Variants in ZFP36L1 observed in about 807,000 individuals in gnomAD.
ZFP36L1 encodes the protein ZFP36 like 1 zinc finger CCCH-type.
A neutral mutation model predicts 16.7 loss-of-function variants in ZFP36L1; 4 were observed. The observed-to-expected ratio is 0.24, with a 90% CI of 0.12 to 0.55. The LOEUF (loss-of-function observed/expected upper bound fraction) is 0.55, where lower values mean the gene tolerates loss of function less well. Among genes scored for constraint, ZFP36L1 ranks in the 20% least tolerant of loss-of-function variants. The pLI, the probability that ZFP36L1 is intolerant of heterozygous loss-of-function variation, is 0.94. For missense variants in ZFP36L1, 311 were observed against 449.2 expected (o/e 0.69, Z 2.78); for synonymous variants, 220 against 190.8 (o/e 1.15, Z -1.26).
At chr14:68,792,349 T>C (rs542137315) in intron 1 of ZFP36L1, among the ~76,000 whole-genome samples, 2 of 152,284 alleles carry the variant, frequency 1.3e-5, no homozygotes, top group Admixed American at 1.3e-4. Context: ...TGCAAACTTG[T>C]TCTGCAACAT....
At chr14:68,793,804 G>C, upstream of ZFP36L1, 3 of 984,894 alleles carry the variant, frequency 3.0e-6, no homozygotes, top group Non-Finnish European at 3.6e-6. Flanking sequence ...CTGCTGGGGG[G>C]ACTAGGGAAA....
chr14:68,791,269 T>C (rs892094428), intron 1 of ZFP36L1: 2 of 553,800 alleles, frequency 3.6e-6, no homozygotes, highest in African/African-American at 3.8e-5. Flanking sequence ...AGAGCAAGCT[T>C]GGATAAGAGC....
At chr14:68,792,275 T>C (rs942992471) in intron 1 of ZFP36L1, among the ~76,000 whole-genome samples, 1 of 148,310 alleles carries the variant, frequency 6.7e-6, no homozygotes, top group African/African-American at 2.5e-5. Flanking sequence ...CACCCCAAAG[T>C]TTGCTGCACG....
upstream of ZFP36L1, chr14:68,793,682 C>T: frequency 1.0e-6 from 1 of 985,552 alleles, no homozygotes; most frequent in Non-Finnish European, 1.2e-6. Context: ...ACTCGGCTCC[C>T]TTCGGCAAAC....
upstream of ZFP36L1, among the ~76,000 whole-genome samples, chr14:68,795,055 A>G (rs1895211349): frequency 6.6e-6 from 1 of 152,110 alleles, no homozygotes; most frequent in African/African-American, 2.4e-5. Flanking sequence ...AGAAAGGGAA[A>G]TAACTTCCAT....
At chr14:68,793,335 T>C, upstream of ZFP36L1, 1 of 1,009,424 alleles carries the variant, frequency 9.9e-7, no homozygotes. Flanking sequence ...TTTTTTTCTT[T>C]AAGAGGAAAA....
chr14:68,789,584 G>A lies in ZFP36L1; in HGVS notation c.966C>T (p.Asp322=), dbSNP rs1895009344. 1 of 1,613,938 alleles carries A rather than the reference G, an allele frequency of 6.2e-7. No homozygotes were observed. The highest frequency in any genetic ancestry group is 8.5e-7 in the Non-Finnish European group (1 of 1,179,988). The change falls in exon 2 of 2, where the codon GAC becomes GAT. Residue 322 remains aspartate, a synonymous_variant. Transcript: ENST00000439696. The surrounding 1 kb of genome is among the most constrained non-coding windows in gnomAD (Gnocchi z 4.5). ...SHSGSDSPTL[D]NSRRLPIFSR... is the part of the protein sequence containing the mutation. Reference sequence around the variant, plus strand: ...TGAAGATGGGCAGGCGTCTTGAGTTGTCCAAGGTCGGGGAGTCTGAGCCAC... The same window carrying A: ...TGAAGATGGGCAGGCGTCTTGAGTTATCCAAGGTCGGGGAGTCTGAGCCAC...
At chr14:68,792,351 C>T in intron 1 of ZFP36L1, among the ~76,000 whole-genome samples, 1 of 152,218 alleles carries the variant, frequency 6.6e-6, no homozygotes, top group East Asian at 1.9e-4. Context: ...CAAACTTGTT[C>T]TGCAACATCT....
chr14:68,792,066 T>A (rs1895089872), intron 1 of ZFP36L1, among the ~76,000 whole-genome samples: 1 of 152,190 alleles, frequency 6.6e-6, no homozygotes, highest in African/African-American at 2.4e-5. Flanking sequence ...TCCTGGAACA[T>A]TCCGAGTTTA....
chr14:68,793,864 T>A, upstream of ZFP36L1: 1 of 983,722 alleles, frequency 1.0e-6, no homozygotes, highest in Non-Finnish European at 1.2e-6. Flanking sequence ...CGGCACAATT[T>A]AGTGCGCCGC....
rs949229963 is a variant in ZFP36L1, at chr14:68,788,274, A to G, written c.*1259T>C. ...AATATGAAGATCATAATTTAACATA[A>G]AAGAATATATTCTATGGATTTGTCA... On this transcript the variant is annotated 3_prime_UTR_variant, in exon 2 of 2. Transcript: ENST00000439696. The G allele has an allele frequency of 3.3e-5, 5 of 152,352 alleles. No individual in the cohort carries two copies. The highest frequency in any genetic ancestry group is 3.3e-4 in the Admixed American group (5 of 15,286). 9.4% of individuals were successfully genotyped at this position (152,352 alleles called of 1,614,324 possible). A position where few individuals can be genotyped will look rare whatever the true frequency, so the allele number is the denominator to read the frequency against.
At chr14:68,790,907 A>G in intron 1 of ZFP36L1, 1 of 569,062 alleles carries the variant, frequency 1.8e-6, no homozygotes, top group Non-Finnish European at 3.1e-6. Context: ...TAAACCTCAG[A>G]AAGGAGTCTA....
At chr14:68,793,614 C>T, upstream of ZFP36L1, 1 of 985,936 alleles carries the variant, frequency 1.0e-6, no homozygotes, top group Non-Finnish European at 1.2e-6. Flanking sequence ...AGCTGGCGGT[C>T]TCCTTGAAAC....
intron 1 of ZFP36L1, among the ~76,000 whole-genome samples, chr14:68,792,288 C>G (rs1479756683): frequency 1.3e-5 from 2 of 151,198 alleles, no homozygotes; most frequent in African/African-American, 2.4e-5. Flanking sequence ...GCTGCACGAT[C>G]GGCTATCGCG....
intron 1 of ZFP36L1, 28 bp from the exon 2 acceptor site, chr14:68,790,520 G>A (rs545053565): frequency 1.9e-6 from 3 of 1,611,546 alleles, no homozygotes; most frequent in East Asian, 2.2e-5. Context: ...AGGATGGTAA[G>A]GACAGAGGAC....
chr14:68,789,716 G>A lies in ZFP36L1; in HGVS notation c.834C>T (p.Leu278=), dbSNP rs760082533. The A allele has an allele frequency of 3.1e-6, 5 of 1,614,016 alleles. No homozygotes were observed. In the African/African-American group the frequency reaches 6.7e-5, roughly 22 times the overall value. The change falls in exon 2 of 2, where the codon CTC becomes CTT. Residue 278 remains leucine, a synonymous_variant. Transcript: ENST00000439696. This position sits in a 1 kb window ranked among gnomAD's most constrained non-coding sequence, Gnocchi z 4.5. ...GAGGGGACTCGGACATGGGCCGGAA[G>A]AGGAAGGTGGTCGGGGAGCCACCCC... The part of the protein sequence containing the change: ...LPGGGSPTTF[L]FRPMSESPHM...
At chr14:68,795,323 C>A (rs1205675765), upstream of ZFP36L1, among the ~76,000 whole-genome samples, 8 of 148,370 alleles carry the variant, frequency 5.4e-5, no homozygotes, top group Non-Finnish European at 7.5e-5. Flanking sequence ...CCCCCACCCC[C>A]CCCAAAAAAG....
Position 68,789,854 on chromosome 14 carries a change from C to T in ZFP36L1, c.696G>A (p.Leu232=). The stretch of plus-strand genomic sequence containing the variant: ...GTGAGCCCAGGAGGTCATCGGCGCT[C>T]AGAATAGGGGGTGGGGTGATGGACG... ...SPTSITPPPI[L]SADDLLGSPT... Residue 232 remains leucine, a synonymous_variant, in exon 2 of 2, where the codon CTG becomes CTA. Coordinates refer to ENST00000439696, the MANE Select transcript of ZFP36L1 (RefSeq NM_004926.4). This position sits in a 1 kb window ranked among gnomAD's most constrained non-coding sequence, Gnocchi z 4.5. 6.2e-7 allele frequency: 1 copy of T among 1,610,962 alleles called. No homozygotes were observed. Among genetic ancestry groups the T allele is most frequent in the Non-Finnish European group, 8.5e-7 (1 of 1,179,996 alleles).
At chr14:68,792,086 T>G (rs1156383407) in intron 1 of ZFP36L1, among the ~76,000 whole-genome samples, 1 of 152,172 alleles carries the variant, frequency 6.6e-6, no homozygotes, top group Non-Finnish European at 1.5e-5. Context: ...AAAACTTGCT[T>G]TTTCAACACT....
Sources: allele counts gnomAD v4.1 joint callset (sites outside exome capture counted in the v4.1 genomes callset), GRCh38; gene constraint gnomAD v4.1.1; non-coding constraint Gnocchi (gnomAD v3.1); transcripts MANE v1.5; gene names NCBI Gene and HGNC (gene_info 2026-07-23, HGNC 2026-07-21).